The following CSMD1 variants were observed in gnomAD, a reference collection of about 807,000 sequenced individuals.
The protein encoded by CSMD1 is CUB and sushi domain-containing protein 1.
CSMD1 carries 213 observed loss-of-function variants against 417.5 expected under a neutral mutation model. That is an observed-to-expected ratio of 0.51 (90% CI 0.46 to 0.57). The LOEUF (loss-of-function observed/expected upper bound fraction) is 0.57, where lower values mean the gene tolerates loss of function less well. CSMD1 is among the 20% of genes least tolerant of loss of function. The pLI is 0.00. For synonymous variants in CSMD1, 2,862 were observed against 1,736.8 expected, an observed-to-expected ratio of 1.65 and a Z score of -16.11; for missense variants, 6,923 against 4,529.7, an observed-to-expected ratio of 1.53 and a Z score of -15.17.
At chr8:4,544,984 C>A (rs934356600) in intron 2 of CSMD1, among the ~76,000 whole-genome samples, 1 of 152,152 alleles carries the variant, frequency 6.6e-6, no homozygotes, top group Non-Finnish European at 1.5e-5. Context: ...TAAGCATATT[C>A]GTAATGCATT....
At chr8:4,353,831 C>T (rs1801240271) in intron 3 of CSMD1, among the ~76,000 whole-genome samples, 1 of 152,168 alleles carries the variant, frequency 6.6e-6, no homozygotes, top group Non-Finnish European at 1.5e-5. Flanking sequence ...TTCTTCTCTC[C>T]TCAGTGACCC....
At chr8:3,604,446 A>T (rs1433994271) in intron 8 of CSMD1, among the ~76,000 whole-genome samples, 13 of 152,206 alleles carry the variant, frequency 8.5e-5, no homozygotes, top group Admixed American at 2.0e-4. Flanking sequence ...AGAGGACAGA[A>T]GATGTCAACA....
intron 5 of CSMD1, among the ~76,000 whole-genome samples, chr8:3,837,307 T>G (rs2129091270): frequency 6.6e-6 from 1 of 152,262 alleles, no homozygotes; most frequent in Admixed American, 6.6e-5. Context: ...AGAAGAAAAT[T>G]AGATTGCAAC....
chr8:4,509,896 G>T (rs1802724220), intron 2 of CSMD1, among the ~76,000 whole-genome samples: 1 of 152,068 alleles, frequency 6.6e-6, no homozygotes, highest in African/African-American at 2.4e-5. Flanking sequence ...GCCCTGACAG[G>T]GTGTTTATGT....
chr8:3,100,996 C>T (rs17079340), intron 46 of CSMD1, among the ~76,000 whole-genome samples: 7,624 of 150,730 alleles, frequency 0.051, 490 homozygotes, highest in African/African-American at 0.15. Flanking sequence ...CTGCTGCTTT[C>T]GAATGATCAT....
At chr8:4,474,550 C>G (rs1482548723) in intron 2 of CSMD1, among the ~76,000 whole-genome samples, 1 of 152,170 alleles carries the variant, frequency 6.6e-6, no homozygotes, top group Non-Finnish European at 1.5e-5. Context: ...GGGTTTAGCA[C>G]TTTTGAGAGT....
chr8:4,694,965 C>T (rs951529777), intron 1 of CSMD1, among the ~76,000 whole-genome samples: 36 of 151,976 alleles, frequency 2.4e-4, no homozygotes, highest in African/African-American at 8.0e-4. Context: ...GTTCTTGTAC[C>T]TTTCACAGCT....
chr8:4,745,845 C>G (rs1810916573), intron 1 of CSMD1, among the ~76,000 whole-genome samples: 2 of 152,096 alleles, frequency 1.3e-5, no homozygotes, highest in Admixed American at 1.3e-4. Context: ...CAAAGAAAAT[C>G]TCACACTCTG....
At chr8:3,848,974 C>A (rs544750459) in intron 5 of CSMD1, among the ~76,000 whole-genome samples, 1 of 150,848 alleles carries the variant, frequency 6.6e-6, no homozygotes, top group African/African-American at 2.4e-5. Flanking sequence ...AAAATATACT[C>A]CTAGTTAATC....
intron 5 of CSMD1, among the ~76,000 whole-genome samples, chr8:3,940,761 T>C (rs1031262155): frequency 5.3e-5 from 8 of 152,116 alleles, no homozygotes; most frequent in Admixed American, 2.0e-4. Context: ...AATTGTTTTG[T>C]TGTATACACA....
chr8:4,113,648 C>G (rs1801978045), intron 3 of CSMD1, among the ~76,000 whole-genome samples: 1 of 152,138 alleles, frequency 6.6e-6, no homozygotes, highest in South Asian at 2.1e-4. Flanking sequence ...TCCTGATCCA[C>G]CCGCCTCCAC....
intron 69 of CSMD1, among the ~76,000 whole-genome samples, chr8:2,941,848 C>A (rs1027788109): frequency 6.6e-6 from 1 of 152,152 alleles, no homozygotes; most frequent in African/African-American, 2.4e-5. Flanking sequence ...TTCTGTTCAC[C>A]CTTTTGCTGG....
At chr8:3,625,987 A>T (rs1796471844) in intron 7 of CSMD1, among the ~76,000 whole-genome samples, 1 of 152,214 alleles carries the variant, frequency 6.6e-6, no homozygotes, top group South Asian at 2.1e-4. Flanking sequence ...CTATACACAT[A>T]AAATAAAAAA....
chr8:3,450,970 G>A (rs1815671373), intron 12 of CSMD1, among the ~76,000 whole-genome samples: 1 of 152,128 alleles, frequency 6.6e-6, no homozygotes, highest in African/African-American at 2.4e-5. Flanking sequence ...ATCCTCTCCA[G>A]CACCTGTTGT....
Position 3,543,204 on chromosome 8 carries a change from G to C in CSMD1, c.1344+31741C>G, listed in dbSNP as rs139066916. 2.4e-4 allele frequency among the ~76,000 whole-genome samples: 36 copies of C among 152,322 alleles called. No homozygotes were observed. In the East Asian group the frequency reaches 6.0e-3, roughly 25 times the overall value. ...CTTGATGCTTTTGAGAAACTGGTAAGTCTTAGCAGCAAGGGAGGTGGGAGA... is the reference window on the plus strand; with the variant it reads ...CTTGATGCTTTTGAGAAACTGGTAACTCTTAGCAGCAAGGGAGGTGGGAGA... On this transcript the variant is annotated intron_variant, in intron 10 of 69. Transcript: ENST00000635120.
rs547708947 is a variant in CSMD1 at position 4,084,189 on chromosome 8, A to T, written c.416-52090T>A. Among the ~76,000 whole-genome samples, 94 of 152,226 alleles carry T rather than the reference A, an allele frequency of 6.2e-4. 1 individual carries two copies. The highest frequency in any genetic ancestry group is 2.2e-3 in the African/African-American group (93 of 41,552). Reference sequence around the variant, plus strand: ...TAAAAGAGAAAGAATTTTAAAATGTATTTTTTCCTGATTTTTCAGTTAGTT... The same window carrying T: ...TAAAAGAGAAAGAATTTTAAAATGTTTTTTTTCCTGATTTTTCAGTTAGTT... On this transcript the variant is annotated intron_variant, in intron 3 of 69. Transcript: ENST00000635120.
intron 1 of CSMD1, among the ~76,000 whole-genome samples, chr8:4,920,896 GA>G (rs1318222575): frequency 5.3e-5 from 2 of 37,558 alleles, no homozygotes; most frequent in Non-Finnish European, 1.2e-4. Flanking sequence ...GAAAAGAAAA[GA>G]AAAGAAAAGA....
At chr8:2,949,185 C>T in intron 68 of CSMD1, 114 bp downstream of exon 68, 2 of 619,066 alleles carry the variant, frequency 3.2e-6, no homozygotes, top group Non-Finnish European at 5.7e-6. Context: ...GTTAGTCTCT[C>T]TCATTATTTT....
chr8:3,998,793 C>T (rs994454780), intron 4 of CSMD1, among the ~76,000 whole-genome samples: 6 of 151,320 alleles, frequency 4.0e-5, no homozygotes, highest in Non-Finnish European at 5.9e-5. Flanking sequence ...GGTAAGTTTG[C>T]TATAGAGTAA....
Sources: gnomAD v4.1 joint callset for allele counts (sites outside exome capture counted in the v4.1 genomes callset) on GRCh38, gnomAD v4.1.1 for gene constraint, MANE v1.5 for transcripts, NCBI Gene and HGNC (gene_info 2026-07-23, HGNC 2026-07-21) for gene names.